The following C1QTNF8 variants were observed in gnomAD, a reference collection of about 807,000 sequenced individuals.
C1QTNF8 encodes complement C1q tumor necrosis factor-related protein 8.
A neutral mutation model predicts 19.2 loss-of-function variants in C1QTNF8; 27 were observed. That is an observed-to-expected ratio of 1.41 (90% CI 1.04 to 1.94). C1QTNF8 has a LOEUF of 1.94. Ranked by LOEUF, C1QTNF8 falls within the 30% of genes most tolerant of loss-of-function variation. The pLI, the probability that C1QTNF8 is intolerant of heterozygous loss-of-function variation, is 0.00. For synonymous variants in C1QTNF8, 208 were observed against 172.8 expected, an observed-to-expected ratio of 1.20 and a Z score of -1.60; for missense variants, 484 against 374.4, an observed-to-expected ratio of 1.29 and a Z score of -2.42.
intron 4 of C1QTNF8, among the ~76,000 whole-genome samples, chr16:1,091,694 C>T (rs192576607): frequency 2.0e-5 from 3 of 152,286 alleles, no homozygotes; most frequent in East Asian, 3.9e-4. Context: ...TCTGAGGCTT[C>T]CTCCGGCTCT....
chr16:1,092,596 C>T, intron 4 of C1QTNF8, among the ~76,000 whole-genome samples: 1 of 120,282 alleles, frequency 8.3e-6, no homozygotes, highest in Admixed American at 7.9e-5. Context: ...TGCACACAGT[C>T]GGCGCTCAAC....
chr16:1,094,315 G>A (rs925757625), intron 3 of C1QTNF8, among the ~76,000 whole-genome samples: 1 of 152,196 alleles, frequency 6.6e-6, no homozygotes, highest in African/African-American at 2.4e-5. Context: ...GCTACGGTCT[G>A]CGTTGGGTGT....
At chr16:1,091,856 G>A (rs1288280431) in intron 4 of C1QTNF8, among the ~76,000 whole-genome samples, 4 of 145,680 alleles carry the variant, frequency 2.7e-5, no homozygotes, top group Non-Finnish European at 4.5e-5. Flanking sequence ...CCCGGCCACC[G>A]TGAGTGCTGG....
intron 4 of C1QTNF8, 93 bp downstream of exon 4, chr16:1,093,404 A>G (rs1414796185): frequency 1.7e-5 from 5 of 289,638 alleles, no homozygotes; most frequent in South Asian, 1.4e-4. Context: ...ACCCACCCAC[A>G]CACACACACC....
rs1960626380 is a variant in C1QTNF8 at position 1,093,887 on chromosome 16, C to T, written c.373G>A (p.Glu125Lys). 4 of 1,568,924 alleles carry T rather than the reference C, an allele frequency of 2.5e-6. No individual in the cohort carries two copies. The highest frequency in any genetic ancestry group is 1.9e-5 in the Admixed American group (1 of 53,696). ...AYAAFSVGRR[E>K]GLHSSDHFQA... ...AAGTGGTCGGAGCTGTGCAGGCCCT[C>T]GCGCCGGCCCACGGAGAAGGCGGCG... Residue 125 changes from glutamate (E) to lysine (K), a missense_variant, in exon 4 of 5, where the codon GAG becomes AAG. By Grantham distance (56) the Glu-to-Lys change is moderately conservative (BLOSUM62 1). Coordinates refer to ENST00000328449, the MANE Select transcript of C1QTNF8 (RefSeq NM_207419.3).
Position 1,089,594 on chromosome 16 carries a change from C to A in C1QTNF8, c.*1005G>T, listed in dbSNP as rs970084655. Among the ~76,000 whole-genome samples, 32 of 152,326 alleles carry A rather than the reference C, an allele frequency of 2.1e-4. No individual in the cohort carries two copies. The highest frequency in any genetic ancestry group is 7.5e-4 in the African/African-American group (31 of 41,576). ...TGGGGTGGGCGGGACGTGGCTGCAG[C>A]CTGGCTCTGCCTGCGTGGCACTGGG... On this transcript the variant is annotated 3_prime_UTR_variant, in exon 5 of 5. Coordinates refer to ENST00000328449, the MANE Select transcript of C1QTNF8 (RefSeq NM_207419.3).
Position 1,090,604 on chromosome 16 carries a change from G to C in C1QTNF8, c.*5-10C>G, listed in dbSNP as rs1960525468. ...ACAGGCGGACGTCTGTCTGTAAGGA[G>C]GGGACGGCACTTCCTGAGGGTGGGG... is the stretch of plus-strand genomic sequence containing the variant. On this transcript the variant is annotated splice_polypyrimidine_tract_variant and intron_variant, in intron 4 of 4. Coordinates refer to ENST00000328449, the MANE Select transcript of C1QTNF8 (RefSeq NM_207419.3). 1 of 152,380 alleles carries C rather than the reference G, an allele frequency of 6.6e-6. No homozygotes were observed. Among genetic ancestry groups the C allele is most frequent in the Non-Finnish European group, 1.5e-5 (1 of 68,180 alleles). The allele number at this position is 152,380 out of a possible 1,614,324, so 9.4% of individuals were successfully genotyped here. A position where few individuals can be genotyped will look rare whatever the true frequency, so the allele number is the denominator to read the frequency against.
chr16:1,093,745 GT>G lies in C1QTNF8; in HGVS notation c.514del (p.Thr172ProfsTer13). 6.2e-7 allele frequency: 1 copy of G among 1,612,286 alleles called. No individual in the cohort carries two copies. Among genetic ancestry groups the G allele is most frequent in the South Asian group, 1.1e-5 (1 of 91,086 alleles). On this transcript the variant is annotated frameshift_variant, in exon 4 of 5. Transcript: ENST00000328449. LOFTEE classifies it high-confidence loss of function. ...GVYFLSLNVH[T>X]WNYKETYLHI... ...CAGGTAGGTCTCCTTGTAGTTCCAG[GT>G]GTGCACGTTGAGGCTGAGGAAGTAG...
intron 2 of C1QTNF8, among the ~76,000 whole-genome samples, 168 bp from the exon 3 acceptor site, chr16:1,095,101 G>C (rs1320182026): frequency 2.0e-5 from 3 of 152,330 alleles, no homozygotes; most frequent in East Asian, 3.9e-4. Flanking sequence ...CAAGGCCGAG[G>C]CTCAGGGGCT....
chr16:1,093,571 A>C lies in C1QTNF8; in HGVS notation c.689T>G (p.Ile230Ser). The C allele has an allele frequency of 6.3e-7, 1 of 1,595,472 alleles. No homozygotes were observed. The highest frequency in any genetic ancestry group is 8.5e-7 in the Non-Finnish European group (1 of 1,170,088). Reference protein sequence around the residue: ...RMFQRDRDNAIYGEHGDLYIT... With the variant: ...RMFQRDRDNASYGEHGDLYIT... Reference sequence around the variant, plus strand: ...GTAGAGGTCTCCGTGCTCGCCGTAGATGGCGTTGTCCCGGTCGCGCTGGAA... The same window carrying C: ...GTAGAGGTCTCCGTGCTCGCCGTAGCTGGCGTTGTCCCGGTCGCGCTGGAA... Residue 230 changes from isoleucine to serine, a missense_variant, in exon 4 of 5, where the codon ATC becomes AGC. Transcript: ENST00000328449.
At chr16:1,095,126 C>T (rs923325538) in intron 2 of C1QTNF8, among the ~76,000 whole-genome samples, 193 bp from the exon 3 acceptor site, 12 of 152,208 alleles carry the variant, frequency 7.9e-5, no homozygotes, top group African/African-American at 2.4e-4. Context: ...CACTCTGGGC[C>T]GCACCAGGCA....
intron 4 of C1QTNF8, among the ~76,000 whole-genome samples, chr16:1,092,670 A>AGCACACAGTCGGCGCTCAACCAATCCCT (rs1596243453): frequency 3.4e-5 from 1 of 29,682 alleles, no homozygotes; most frequent in African/African-American, 2.1e-4. Flanking sequence ...AACCAATCAC[A>AGCACACAGTCGGCGCTCAACCAATCCCT]GCACACAGTC....
chr16:1,089,457 G>A lies in C1QTNF8; in HGVS notation c.*1142C>T, dbSNP rs543312865. ...GGCAGTGCCCACTTGGGACCTGCAAGCCCAGGGCCCCTCACAGCTGCTCTG... is the reference window on the plus strand; with the variant it reads ...GGCAGTGCCCACTTGGGACCTGCAAACCCAGGGCCCCTCACAGCTGCTCTG... On this transcript the variant is annotated 3_prime_UTR_variant, in exon 5 of 5. Coordinates refer to ENST00000328449, the MANE Select transcript of C1QTNF8 (RefSeq NM_207419.3). Among the ~76,000 whole-genome samples, 6 of 152,332 alleles carry A rather than the reference G, an allele frequency of 3.9e-5. No individual in the cohort carries two copies. In the South Asian group the frequency reaches 1.0e-3, roughly 26 times the overall value.
At chr16:1,093,387 C>CA in intron 4 of C1QTNF8, 110 bp downstream of exon 4, 1 of 419,532 alleles carries the variant, frequency 2.4e-6, no homozygotes, top group South Asian at 2.6e-5. Flanking sequence ...CACCCCACCA[C>CA]ACCCACACCC....
intron 2 of C1QTNF8, among the ~76,000 whole-genome samples, 164 bp from the exon 3 acceptor site, chr16:1,095,097 C>T (rs768748773): frequency 4.6e-5 from 7 of 152,330 alleles, no homozygotes; most frequent in East Asian, 1.9e-4. Flanking sequence ...AGGCCAAGGC[C>T]GAGGCTCAGG....
Position 1,094,866 on chromosome 16 carries a change from G to C in C1QTNF8, c.57C>G (p.Pro19=). The change falls in exon 3 of 5, where the codon CCC becomes CCG. Residue 19 remains proline (P), a synonymous_variant. Transcript: ENST00000328449. ...LALLLPVGAW[P]GLPRRPCVHC... The stretch of plus-strand genomic sequence containing the variant: ...GCACACAGGGCCTCCTGGGCAGCCC[G>C]GGCCAGGCCCCCACGGGCAGCAGCA... The C allele has an allele frequency of 7.1e-7, 1 of 1,405,900 alleles. No individual in the cohort carries two copies. The highest frequency in any genetic ancestry group is 9.3e-7 in the Non-Finnish European group (1 of 1,075,754). 87.1% of individuals were successfully genotyped at this position (1,405,900 alleles called of 1,614,324 possible).
At chr16:1,092,292 ACTCAATCAGTCCCTGCACACAGTCGGCG>A (rs1960561758) in intron 4 of C1QTNF8, among the ~76,000 whole-genome samples, 2 of 150,312 alleles carry the variant, frequency 1.3e-5, no homozygotes, top group Non-Finnish European at 3.0e-5. Context: ...CACAGCTGGC[ACTCAATCAGTCCCTGCACACAGTCGGCG>A]CTCAATCAAT....
chr16:1,092,326 T>C (rs113988843), intron 4 of C1QTNF8, among the ~76,000 whole-genome samples: 2,119 of 111,540 alleles, frequency 0.019, 33 homozygotes, highest in African/African-American at 0.052. Flanking sequence ...CGGCGCTCAA[T>C]CAATCCCTGC....
At position 1,093,943 on chromosome 16, in the gene C1QTNF8, C is replaced by A; in HGVS notation, c.317G>T (p.Gly106Val). 6.7e-7 allele frequency: 1 copy of A among 1,497,102 alleles called. No individual in the cohort carries two copies. Among genetic ancestry groups the A allele is most frequent in the Non-Finnish European group, 8.8e-7 (1 of 1,134,904 alleles). 92.7% of individuals were successfully genotyped at this position (1,497,102 alleles called of 1,614,324 possible). Residue 106 changes from glycine to valine, a missense_variant, in exon 4 of 5, where the codon GGG becomes GTG. By Grantham distance (109) the Gly-to-Val change is moderately radical. Coordinates refer to ENST00000328449, the MANE Select transcript of C1QTNF8 (RefSeq NM_207419.3). ...ACGTCGGCACGCGGCGCCCGGCGGC[C>A]CCACCTGCCCCTTCTGGCCTCTGCG... ...QGRRGQKGQV[G>V]PPGAACRRAY...
Sources: allele counts gnomAD v4.1 joint callset (sites outside exome capture counted in the v4.1 genomes callset), GRCh38; gene constraint gnomAD v4.1.1; transcripts MANE v1.5; gene names NCBI Gene and HGNC (gene_info 2026-07-23, HGNC 2026-07-21).